The following LRP1B variants were observed in gnomAD, a reference collection of about 807,000 sequenced individuals.
LRP1B encodes the protein LDL receptor related protein 1B.
Under a neutral mutation model 556.6 loss-of-function variants are expected in LRP1B, and 217 were observed. That is an observed-to-expected ratio of 0.39 (90% CI 0.35 to 0.44). LRP1B has a LOEUF of 0.44. Ranked by LOEUF, LRP1B falls within the 20% of genes least tolerant of loss-of-function variation. The pLI is 1.00. For synonymous variants in LRP1B, 2,047 were observed against 1,865.8 expected, an observed-to-expected ratio of 1.10 and a Z score of -2.50; for missense variants, 5,053 against 5,620.8, an observed-to-expected ratio of 0.90 and a Z score of 3.23.
At chr2:141,848,217 ACG>A in intron 1 of LRP1B, among the ~76,000 whole-genome samples, 1 of 151,634 alleles carries the variant, frequency 6.6e-6, no homozygotes, top group East Asian at 1.9e-4. Context: ...CTATTCTGAA[ACG>A]CAGTATTTTT....
chr2:140,486,107 T>C (rs1227163648), intron 58 of LRP1B, among the ~76,000 whole-genome samples: 1 of 152,044 alleles, frequency 6.6e-6, no homozygotes, highest in East Asian at 1.9e-4. Context: ...GTATGAAATA[T>C]AGTCTTTGCA....
At chr2:141,374,007 T>C (rs922890765) in intron 3 of LRP1B, among the ~76,000 whole-genome samples, 1 of 152,144 alleles carries the variant, frequency 6.6e-6, no homozygotes, top group Non-Finnish European at 1.5e-5. Context: ...TTCATTTACA[T>C]GTTTAAGATC....
At chr2:141,777,424 A>AT (rs1046858974) in intron 2 of LRP1B, among the ~76,000 whole-genome samples, 37 of 151,220 alleles carry the variant, frequency 2.4e-4, no homozygotes, top group African/African-American at 6.3e-4. Context: ...GTATTTCTTT[A>AT]TTTTTTTTTG....
At chr2:140,499,852 A>G (rs1689104862) in intron 55 of LRP1B, among the ~76,000 whole-genome samples, 1 of 152,008 alleles carries the variant, frequency 6.6e-6, no homozygotes, top group Non-Finnish European at 1.5e-5. Flanking sequence ...TATGTGGTAC[A>G]TAACTGTATA....
At chr2:141,582,714 G>A (rs963643286) in intron 2 of LRP1B, among the ~76,000 whole-genome samples, 1 of 150,580 alleles carries the variant, frequency 6.6e-6, no homozygotes, top group Non-Finnish European at 1.5e-5. Context: ...AAATCCAGTT[G>A]CTCAGAAAGG....
intron 1 of LRP1B, among the ~76,000 whole-genome samples, chr2:141,963,814 G>A (rs1478394511): frequency 5.9e-4 from 87 of 146,300 alleles, no homozygotes; most frequent in Non-Finnish European, 1.0e-3. Context: ...GTCCCTGTTT[G>A]CAGACGACAT....
chr2:140,590,159 T>C (rs1682157823), intron 43 of LRP1B, among the ~76,000 whole-genome samples: 1 of 151,448 alleles, frequency 6.6e-6, no homozygotes, highest in South Asian at 2.1e-4. Flanking sequence ...GTTCTAGAAA[T>C]GCACACAGGT....
chr2:140,658,496 T>G, intron 41 of LRP1B, among the ~76,000 whole-genome samples: 1 of 152,108 alleles, frequency 6.6e-6, no homozygotes, highest in South Asian at 2.1e-4. Flanking sequence ...TCATTTTTAA[T>G]AATTTTATTT....
chr2:141,275,072 G>T (rs1475628847), intron 3 of LRP1B, among the ~76,000 whole-genome samples: 1 of 152,152 alleles, frequency 6.6e-6, no homozygotes, highest in Non-Finnish European at 1.5e-5. Flanking sequence ...ACATGAGAAA[G>T]CAAAGCTACT....
chr2:142,023,163 G>C (rs1345380290), intron 1 of LRP1B, among the ~76,000 whole-genome samples: 1 of 152,108 alleles, frequency 6.6e-6, no homozygotes, highest in Non-Finnish European at 1.5e-5. Flanking sequence ...TGCCAGCTTT[G>C]AAGGAGAATT....
At chr2:140,610,662 T>C (rs1048871820) in intron 41 of LRP1B, among the ~76,000 whole-genome samples, 1 of 152,228 alleles carries the variant, frequency 6.6e-6, no homozygotes, top group African/African-American at 2.4e-5. Context: ...CTTGGCTCAC[T>C]GCAAGCTCCA....
chr2:140,546,525 A>G (rs1574065837), intron 43 of LRP1B, among the ~76,000 whole-genome samples: 1 of 152,168 alleles, frequency 6.6e-6, no homozygotes, highest in East Asian at 1.9e-4. Context: ...AGCAGCGAGG[A>G]GAAGTGCAGA....
chr2:141,336,745 CT>C (rs149051981), intron 3 of LRP1B, among the ~76,000 whole-genome samples: 4,907 of 152,216 alleles, frequency 0.032, 114 homozygotes, highest in Non-Finnish European at 0.049. Context: ...CTATCAACCC[CT>C]GATTTGATTT....
At chr2:141,706,335 G>A (rs949716554) in intron 2 of LRP1B, among the ~76,000 whole-genome samples, 4 of 152,192 alleles carry the variant, frequency 2.6e-5, no homozygotes, top group African/African-American at 7.2e-5. Flanking sequence ...GGCAGACAAC[G>A]AGGCACAGAA....
chr2:140,330,452 G>A (rs902944552), intron 79 of LRP1B, among the ~76,000 whole-genome samples: 1 of 151,224 alleles, frequency 6.6e-6, no homozygotes, highest in African/African-American at 2.4e-5. Context: ...CAACAAACCT[G>A]ACAAAAACAA....
chr2:141,557,330 A>G (rs564961230), intron 2 of LRP1B, among the ~76,000 whole-genome samples: 1 of 152,098 alleles, frequency 6.6e-6, no homozygotes, highest in African/African-American at 2.4e-5. Context: ...TTTTATGGAG[A>G]TAATGCAAGA....
chr2:140,247,081 C>A lies in LRP1B; in HGVS notation c.13324+5G>T. ...TTACCCAAAATATTAATCTGAGAAA[C>A]TTACTTGTGCTGATATGATCAGACT... On this transcript the variant is annotated splice_donor_5th_base_variant and intron_variant, in intron 87 of 90. Coordinates refer to ENST00000389484, the MANE Select transcript of LRP1B (RefSeq NM_018557.3). The A allele has an allele frequency of 6.2e-7, 1 of 1,603,766 alleles. No individual in the cohort carries two copies. The highest frequency in any genetic ancestry group is 2.2e-5 in the East Asian group (1 of 44,490).
At chr2:140,723,026 G>A (rs1402427626) in intron 35 of LRP1B, among the ~76,000 whole-genome samples, 1 of 152,216 alleles carries the variant, frequency 6.6e-6, no homozygotes, top group African/African-American at 2.4e-5. Context: ...CTGGGTGACA[G>A]AGCGAGACTC....
intron 18 of LRP1B, among the ~76,000 whole-genome samples, chr2:140,979,346 T>A (rs573852243): frequency 1.7e-4 from 26 of 152,246 alleles, no homozygotes; most frequent in African/African-American, 5.1e-4. Context: ...CATTATTTTT[T>A]AAAAAAATAA....
Sources: allele counts gnomAD v4.1 joint callset (sites outside exome capture counted in the v4.1 genomes callset), GRCh38; gene constraint gnomAD v4.1.1; transcripts MANE v1.5; gene names NCBI Gene and HGNC (gene_info 2026-07-23, HGNC 2026-07-21).